ADAM15: variants seen among roughly 807,000 people sequenced by gnomAD.
ADAM15 encodes the protein disintegrin and metalloproteinase domain-containing protein 15.
Under a neutral mutation model 113.8 loss-of-function variants are expected in ADAM15, and 77 were observed. The observed-to-expected ratio is 0.68, with a 90% CI of 0.56 to 0.82. The LOEUF (loss-of-function observed/expected upper bound fraction) is 0.82. Among genes scored for constraint, ADAM15 ranks in the 40% least tolerant of loss-of-function variants. The probability of loss-of-function intolerance (pLI) is 0.00; values close to 1 mark genes in which losing one functional copy is unlikely to be tolerated. For missense variants in ADAM15, 963 were observed against 1,120.1 expected (o/e 0.86, Z 2.00); for synonymous variants, 388 against 454.1 (o/e 0.85, Z 1.85).
At position 155,057,131 on chromosome 1, in the gene ADAM15, T is replaced by TGGGGCAG. The variant is rs771640505; in HGVS notation, c.1148+40_1149-41dup. 5.1e-5 allele frequency: 81 copies of TGGGGCAG among 1,577,496 alleles called. No individual in the cohort carries two copies. The highest frequency in any genetic ancestry group is 1.5e-4 in the South Asian group (13 of 86,974). ...GTAGCTGCAGGATGGAGAGAGGGTG[T>TGGGGCAG]GGGGCAGGGGGCAGGGAGAGGCCCC... On this transcript the variant is annotated intron_variant, in intron 11 of 22. Coordinates refer to ENST00000356955, the MANE Select transcript of ADAM15 (RefSeq NM_207197.3). This position sits in a 1 kb window ranked among gnomAD's most constrained non-coding sequence, Gnocchi z 5.0.
At chr1:155,059,675 CAAAG>C (rs967624620) in intron 16 of ADAM15, among the ~76,000 whole-genome samples, 5 of 152,078 alleles carry the variant, frequency 3.3e-5, no homozygotes, top group Non-Finnish European at 7.4e-5. Flanking sequence ...AAAACAAACA[CAAAG>C]AAAGAAAGCA....
At position 155,052,748 on chromosome 1, in the gene ADAM15, C is replaced by A. The variant is rs1661239342; in HGVS notation, c.157C>A (p.Leu53Ile). The A allele has an allele frequency of 3.1e-6, 5 of 1,612,362 alleles. No homozygotes were observed. The South Asian group carries it at 5.5e-5, about 18-fold the overall frequency. The change falls in exon 2 of 23, where the codon CTC becomes ATC. Residue 53 changes from leucine (L) to isoleucine (I), a missense_variant. Transcript: ENST00000356955. ...PLEPQVLQDD[L>I]PISLKKVLQT... Reference sequence around the variant, plus strand: ...GGAGCCCCAGGTCCTTCAGGACGATCTCCCAATTAGCCTCAAAAAGGTGCT... The same window carrying A: ...GGAGCCCCAGGTCCTTCAGGACGATATCCCAATTAGCCTCAAAAAGGTGCT...
Position 155,062,294 on chromosome 1 carries a change from A to T in ADAM15, c.2474A>T (p.Asp825Val). The change falls in exon 22 of 23, where the codon GAC (aspartate) becomes GTC (valine). Residue 825 changes from aspartate to valine, a missense_variant. Physicochemically the swap from Asp to Val is radical, Grantham distance 152. Coordinates refer to ENST00000356955, the MANE Select transcript of ADAM15 (RefSeq NM_207197.3). This position sits in a 1 kb window ranked among gnomAD's most constrained non-coding sequence, Gnocchi z 7.0. ...PPPPRKPLPADPQGRCPSGDL... is the reference protein window; with the variant it reads ...PPPPRKPLPAVPQGRCPSGDL... ...CCCCCAAGGAAGCCACTGCCTGCCG[A>T]CCCCCAGGGCCGGTGCCCATCGGGT... 1 of 1,466,226 alleles carries T rather than the reference A, an allele frequency of 6.8e-7. No homozygotes were observed. Among genetic ancestry groups the T allele is most frequent in the Non-Finnish European group, 9.0e-7 (1 of 1,106,730 alleles). 90.8% of individuals were successfully genotyped at this position (1,466,226 alleles called of 1,614,324 possible). A position where few individuals can be genotyped will look rare whatever the true frequency, so the allele number is the denominator to read the frequency against.
At chr1:155,055,666 TA>T in intron 6 of ADAM15, 123 bp from the exon 7 acceptor site, 1 of 1,053,944 alleles carries the variant, frequency 9.5e-7, no homozygotes, top group Non-Finnish European at 1.5e-6. Flanking sequence ...GGCTCATCTG[TA>T]AAATGGGCTC....
chr1:155,059,110 T>C (rs1394132595), intron 16 of ADAM15, among the ~76,000 whole-genome samples: 2 of 152,132 alleles, frequency 1.3e-5, no homozygotes, highest in Admixed American at 6.5e-5. Context: ...CTCTGTTGCC[T>C]AGGCTGGAGT....
Position 155,058,561 on chromosome 1 carries a change from C to A in ADAM15, c.1917+120C>A. 6.5e-7 allele frequency: 1 copy of A among 1,549,716 alleles called. No individual in the cohort carries two copies. Among genetic ancestry groups the A allele is most frequent in the Admixed American group, 2.0e-5 (1 of 51,084 alleles). ...CAGGGACTCCAAGGGAAGTCAGTTT[C>A]TTACTTCAGATGGAGCAAAGTCCTA... On this transcript the variant is annotated intron_variant, in intron 15 of 22. Coordinates refer to ENST00000356955, the MANE Select transcript of ADAM15 (RefSeq NM_207197.3). This position sits in a 1 kb window ranked among gnomAD's most constrained non-coding sequence, Gnocchi z 4.3.
Position 155,058,932 on chromosome 1 carries a change from T to G in ADAM15, c.1995+145T>G, listed in dbSNP as rs1662164880. ...GTGACCTCGGGCAGGTTACTAACTT[T>G]GCTGAGCTCAGTTTCCCCACCTATC... is the stretch of plus-strand genomic sequence containing the variant. On this transcript the variant is annotated intron_variant, in intron 16 of 22. Transcript: ENST00000356955. The surrounding 1 kb of genome is among the most constrained non-coding windows in gnomAD (Gnocchi z 4.3). The G allele has an allele frequency of 3.6e-6, 4 of 1,119,546 alleles. No homozygotes were observed. The South Asian group carries it at 6.7e-5, about 19-fold the overall frequency. 69.4% of individuals were successfully genotyped at this position (1,119,546 alleles called of 1,614,324 possible).
At position 155,057,583 on chromosome 1, in the gene ADAM15, A is replaced by G; in HGVS notation, c.1324-54A>G. 2 of 1,590,046 alleles carry G rather than the reference A, an allele frequency of 1.3e-6. No individual in the cohort carries two copies. The highest frequency in any genetic ancestry group is 1.7e-6 in the Non-Finnish European group (2 of 1,159,086). On this transcript the variant is annotated intron_variant, in intron 12 of 22. Transcript: ENST00000356955. The surrounding 1 kb of genome is among the most constrained non-coding windows in gnomAD (Gnocchi z 5.0). ...TGTGGGAGGAGGAGAGATTGGAGGG[A>G]GGCTCACAGGCCCCACCTGCTCTGA...
At position 155,062,400 on chromosome 1, in the gene ADAM15, G is replaced by A; in HGVS notation, c.2549+31G>A. 6.2e-7 allele frequency: 1 copy of A among 1,609,820 alleles called. No individual in the cohort carries two copies. The highest frequency in any genetic ancestry group is 8.5e-7 in the Non-Finnish European group (1 of 1,178,676). On this transcript the variant is annotated intron_variant, in intron 22 of 22. Coordinates refer to ENST00000356955, the MANE Select transcript of ADAM15 (RefSeq NM_207197.3). This position sits in a 1 kb window ranked among gnomAD's most constrained non-coding sequence, Gnocchi z 7.0. ...AGGAGCCCTGGGCATGGGTGGGCGG[G>A]GCGAGTGACCTGGGGGAAAGGGGCC...
intron 4 of ADAM15, 42 bp downstream of exon 4, chr1:155,054,030 G>C: frequency 6.2e-7 from 1 of 1,613,490 alleles, no homozygotes; most frequent in Non-Finnish European, 8.5e-7. Flanking sequence ...TTAGGGGAAA[G>C]AGGGAGGGGG....
chr1:155,060,366 A>G (rs368014137), intron 18 of ADAM15, 23 bp downstream of exon 18: 10 of 1,611,900 alleles, frequency 6.2e-6, no homozygotes, highest in Non-Finnish European at 8.5e-6. Context: ...CCTCCCTGCT[A>G]CCACTTCCTT....
chr1:155,056,562 C>A lies in ADAM15; in HGVS notation c.999+92C>A, dbSNP rs1007446044. 9.9e-6 allele frequency: 13 copies of A among 1,316,838 alleles called. No homozygotes were observed. The highest frequency in any genetic ancestry group is 1.3e-5 in the Non-Finnish European group (12 of 936,254). The allele number at this position is 1,316,838 out of a possible 1,614,324, so 81.6% of individuals were successfully genotyped here. On this transcript the variant is annotated intron_variant, in intron 10 of 22. Transcript: ENST00000356955. The surrounding 1 kb of genome is among the most constrained non-coding windows in gnomAD (Gnocchi z 4.0). ...CACTGAAACCCCCCTATAAAGTTGC[C>A]CAACCCCAAAGCTACAGGTATAGAG...
chr1:155,062,334 A>G lies in ADAM15; in HGVS notation c.2514A>G (p.Pro838=), dbSNP rs771890676. 1.3e-6 allele frequency: 2 copies of G among 1,552,484 alleles called. No homozygotes were observed. Among genetic ancestry groups the G allele is most frequent in the Non-Finnish European group, 1.7e-6 (2 of 1,147,360 alleles). Residue 838 remains proline, a synonymous_variant, in exon 22 of 23, where the codon CCA becomes CCG. Transcript: ENST00000356955. This position sits in a 1 kb window ranked among gnomAD's most constrained non-coding sequence, Gnocchi z 7.0. ...GRCPSGDLPG[P]GAGIPPLVVP... ...GCCCATCGGGTGACCTGCCCGGCCC[A>G]GGGGCTGGAATCCCGCCCCTAGTGG...
chr1:155,055,661 A>C, intron 6 of ADAM15, 129 bp from the exon 7 acceptor site: 1 of 985,590 alleles, frequency 1.0e-6, no homozygotes, highest in Non-Finnish European at 1.6e-6. Context: ...TCAGTGGCTC[A>C]TCTGTAAAAT....
intron 6 of ADAM15, chr1:155,055,491 G>A (rs1050006529): frequency 2.3e-5 from 9 of 390,538 alleles, no homozygotes; most frequent in Non-Finnish European, 4.3e-5. Context: ...CTCCCAAAGT[G>A]CTGAGATTAC....
chr1:155,054,213 T>G lies in ADAM15; in HGVS notation c.406T>G (p.Cys136Gly). The part of the protein sequence containing the change: ...YAGSWVSICT[C>G]SGLRGLVVLT... ...AGGCTCCTGGGTGTCCATCTGCACC[T>G]GCTCTGGGCTCAGGTATACTGGGCG... The change falls in exon 5 of 23, where the codon TGC (cysteine) becomes GGC (glycine). Residue 136 changes from cysteine to glycine, a missense_variant. Transcript: ENST00000356955. The G allele has an allele frequency of 6.2e-7, 1 of 1,603,654 alleles. No individual in the cohort carries two copies. Among genetic ancestry groups the G allele is most frequent in the South Asian group, 1.1e-5 (1 of 89,586 alleles).
chr1:155,061,558 A>G, intron 20 of ADAM15, 69 bp downstream of exon 20: 1 of 1,494,384 alleles, frequency 6.7e-7, no homozygotes, highest in Non-Finnish European at 9.2e-7. Context: ...TGCAGTTCTC[A>G]TCCCTGCTCC....
In ADAM15 at chr1:155,052,501, C is replaced by T. The variant is rs1002171075; in HGVS notation, c.80-170C>T. On this transcript the variant is annotated intron_variant, in intron 1 of 22. Transcript: ENST00000356955. Reference sequence around the variant, plus strand: ...GGTGGAAAGCCATAAATTAGAGAGACACCCTCTCCTTCCAGTATTCTTCTT... The same window carrying T: ...GGTGGAAAGCCATAAATTAGAGAGATACCCTCTCCTTCCAGTATTCTTCTT... 3.2e-6 allele frequency: 5 copies of T among 1,538,986 alleles called. No individual in the cohort carries two copies. In the African/African-American group the frequency reaches 4.1e-5, roughly 13 times the overall value.
rs750414099 is a variant in ADAM15 at position 155,061,417 on chromosome 1, G to A, written c.2280G>A (p.Gln760=). The change falls in exon 20 of 23, where the codon CAG becomes CAA. Residue 760 remains glutamine (Q), a splice_region_variant and synonymous_variant. Coordinates refer to ENST00000356955, the MANE Select transcript of ADAM15 (RefSeq NM_207197.3). ...ATCTGCCCCTCCTGCCCTCTCAGCA[G>A]GCTAGTGCTCTCAGCTTCCCGGCCC... ...QRALLARGTK[Q]ASALSFPAPP... The A allele has an allele frequency of 5.6e-6, 9 of 1,613,444 alleles. No homozygotes were observed. Among genetic ancestry groups the A allele is most frequent in the Non-Finnish European group, 6.8e-6 (8 of 1,179,732 alleles).
Sources: gnomAD v4.1 joint callset for allele counts (sites outside exome capture counted in the v4.1 genomes callset) on GRCh38, gnomAD v4.1.1 for gene constraint, Gnocchi (gnomAD v3.1) non-coding constraint, MANE v1.5 for transcripts, NCBI Gene and HGNC (gene_info 2026-07-23, HGNC 2026-07-21) for gene names.